PPFIA4: variants seen among roughly 807,000 people sequenced by gnomAD.
PPFIA4 encodes the protein PPFI scaffold protein A4.
Under a neutral mutation model 145.7 loss-of-function variants are expected in PPFIA4, and 98 were observed. The ratio of observed to expected loss-of-function variants is 0.67; its 90% confidence interval spans 0.57 to 0.80. The LOEUF is 0.80. Ranked by LOEUF, PPFIA4 falls within the 30% of genes least tolerant of loss-of-function variation. The pLI is 0.00. For missense variants in PPFIA4, 1,457 were observed against 1,632.7 expected (o/e 0.89, Z 1.85); for synonymous variants, 628 against 649.6 (o/e 0.97, Z 0.51).
intron 13 of PPFIA4, 177 bp from the exon 14 acceptor site, chr1:203,051,592 C>A (rs1244905922): frequency 1.7e-6 from 2 of 1,202,230 alleles, no homozygotes; most frequent in Non-Finnish European, 2.2e-6. Context: ...AGCACCAGGG[C>A]ATACGTCTGC....
intron 2 of PPFIA4, among the ~76,000 whole-genome samples, chr1:203,041,504 A>T (rs1215176030): frequency 2.6e-5 from 4 of 152,146 alleles, no homozygotes; most frequent in African/African-American, 9.7e-5. Flanking sequence ...AGGTGGGAGG[A>T]TCGCCTGAGC....
Position 203,059,828 on chromosome 1 carries a change from C to T in PPFIA4, c.2560C>T (p.Pro854Ser), listed in dbSNP as rs560309517. The T allele has an allele frequency of 2.5e-6, 4 of 1,612,724 alleles. No homozygotes were observed. The African/African-American group carries it at 5.3e-5, about 22-fold the overall frequency. ...AATGCCCTTTGCCCAGTGGGATGGT[C>T]CTACTGTGGTCTCCTGGTTGGAGGT... ...KGMPFAQWDG[P>S]TVVSWLELWV... Residue 854 changes from proline to serine, a missense_variant, in exon 21 of 30, where the codon CCT becomes TCT. Pro to Ser is a moderately conservative substitution (Grantham distance 74). Coordinates refer to ENST00000295706, the MANE Select transcript of PPFIA4 (RefSeq NM_001304331.2).
Position 203,046,419 on chromosome 1 carries a change from C to T in PPFIA4, c.1140+37C>T, listed in dbSNP as rs540138532. ...AGGGGCCTGGGATCTGCCTCTGTCC[C>T]CCATGTTCTGAGCTCTCAGGGAGCC... is the stretch of plus-strand genomic sequence containing the variant. On this transcript the variant is annotated intron_variant, in intron 9 of 29. Transcript: ENST00000295706. 39 of 1,553,564 alleles carry T rather than the reference C, an allele frequency of 2.5e-5. No homozygotes were observed. In the South Asian group the frequency reaches 3.6e-4, roughly 14 times the overall value.
intron 13 of PPFIA4, chr1:203,051,282 G>T: frequency 1.0e-6 from 1 of 986,538 alleles, no homozygotes; most frequent in Non-Finnish European, 1.2e-6. Flanking sequence ...ACTCAGTCCA[G>T]ATTATGGGGA....
Position 203,078,507 on chromosome 1 carries a change from T to A in PPFIA4, c.*2117T>A, listed in dbSNP as rs1662683487. The A allele has an allele frequency of 6.6e-6, 1 of 152,514 alleles. No individual in the cohort carries two copies. Among genetic ancestry groups the A allele is most frequent in the South Asian group, 2.1e-4 (1 of 4,816 alleles). The allele number at this position is 152,514 out of a possible 1,614,324, so 9.4% of individuals were successfully genotyped here. A position where few individuals can be genotyped will look rare whatever the true frequency, so the allele number is the denominator to read the frequency against. Reference sequence around the variant, plus strand: ...TAAGAAGAGAACTCTGTGCAAACAGTGATGGAAGGCTGTTGTCTTGGTGTA... The same window carrying A: ...TAAGAAGAGAACTCTGTGCAAACAGAGATGGAAGGCTGTTGTCTTGGTGTA... On this transcript the variant is annotated 3_prime_UTR_variant, in exon 30 of 30. Coordinates refer to ENST00000295706, the MANE Select transcript of PPFIA4 (RefSeq NM_001304331.2).
At chr1:203,065,095 A>G (rs1290036902) in intron 25 of PPFIA4, among the ~76,000 whole-genome samples, 1 of 152,214 alleles carries the variant, frequency 6.6e-6, no homozygotes, top group African/African-American at 2.4e-5. Context: ...GGATCTTGTT[A>G]GTGTCCCCAT....
At chr1:203,063,612 G>A (rs1450026112) in intron 24 of PPFIA4, 16 of 516,930 alleles carry the variant, frequency 3.1e-5, no homozygotes, top group East Asian at 2.8e-4. Flanking sequence ...GAGTGGAACC[G>A]TATCATTTCG....
rs371274726 is a variant in PPFIA4 at position 203,076,544 on chromosome 1, G to T, written c.*154G>T. The T allele has an allele frequency of 1.7e-5, 12 of 723,502 alleles. No individual in the cohort carries two copies. In the East Asian group the frequency reaches 3.2e-4, roughly 19 times the overall value. 44.8% of individuals were successfully genotyped at this position (723,502 alleles called of 1,614,324 possible). ...TCAGAATATATTCGTCCACCCCCTC[G>T]GCACCCCATTACCCCGAGTCCCACC... is the stretch of plus-strand genomic sequence containing the variant. On this transcript the variant is annotated 3_prime_UTR_variant, in exon 30 of 30. Transcript: ENST00000295706.
chr1:203,051,413 G>A, intron 13 of PPFIA4: 1 of 805,896 alleles, frequency 1.2e-6, no homozygotes, highest in Middle Eastern at 5.6e-4. Flanking sequence ...CGCCACGTGT[G>A]TCAGATGGCC....
At chr1:203,046,427 C>G in intron 9 of PPFIA4, 45 bp downstream of exon 9, 1 of 1,538,636 alleles carries the variant, frequency 6.5e-7, no homozygotes, top group Non-Finnish European at 8.8e-7. Flanking sequence ...CCCCCATGTT[C>G]TGAGCTCTCA....
rs1661829801 is a variant in PPFIA4, at chr1:203,067,706, A to G, written c.3062A>G (p.Gln1021Arg). 6.2e-7 allele frequency: 1 copy of G among 1,613,796 alleles called. No homozygotes were observed. The highest frequency in any genetic ancestry group is 1.3e-5 in the African/African-American group (1 of 74,918). ...CTGTGTGCCTGCAGAACCAGTCTTC[A>G]GTATGGCATCATGTGTCTGAAGAGG... is the stretch of plus-strand genomic sequence containing the variant. ...MVDSFHRTSL[Q>R]YGIMCLKRLN... The change falls in exon 26 of 30, where the codon CAG becomes CGG. Residue 1021 changes from glutamine (Q) to arginine (R), a missense_variant. Coordinates refer to ENST00000295706, the MANE Select transcript of PPFIA4 (RefSeq NM_001304331.2).
intron 25 of PPFIA4, 185 bp from the exon 26 acceptor site, chr1:203,067,510 A>G: frequency 1.7e-6 from 1 of 591,952 alleles, no homozygotes; most frequent in Non-Finnish European, 3.0e-6. Context: ...TAGACAGAGA[A>G]AGGGAGTAAC....
rs77851622 is a variant in PPFIA4 at position 203,053,724 on chromosome 1, C to T, written c.1621-29C>T. The T allele has an allele frequency of 1.4e-3, 2,118 of 1,540,890 alleles. 39 individuals carry two copies. In the East Asian group the frequency reaches 0.042, roughly 31 times the overall value. ...CTGCAGTTATCTGGGTGTCTTATTA[C>T]GACTCCTTTACCCTCCTCCTTTGCT... On this transcript the variant is annotated intron_variant, in intron 14 of 29. Coordinates refer to ENST00000295706, the MANE Select transcript of PPFIA4 (RefSeq NM_001304331.2).
intron 27 of PPFIA4, among the ~76,000 whole-genome samples, chr1:203,070,666 T>A (rs871297): frequency 6.6e-6 from 1 of 150,968 alleles, no homozygotes; most frequent in Non-Finnish European, 1.5e-5. Context: ...TTCTGAAAAC[T>A]CTGAATGAGT....
intron 1 of PPFIA4, chr1:203,034,643 G>A (rs764834770): frequency 4.4e-6 from 2 of 456,690 alleles, no homozygotes; most frequent in South Asian, 1.5e-5. Flanking sequence ...GGAGGATGGG[G>A]CCTTCCAGTG....
rs752290107 is a variant in PPFIA4 at position 203,048,332 on chromosome 1, C to A, written c.1224+22C>A. 6.2e-7 allele frequency: 1 copy of A among 1,607,102 alleles called. No homozygotes were observed. Among genetic ancestry groups the A allele is most frequent in the South Asian group, 1.1e-5 (1 of 89,972 alleles). ...ACGGGTGAGGGCACCAGGCCGGGCC[C>A]TCAGGCCCCCTCCTTCCCGCAGGAC... On this transcript the variant is annotated intron_variant, in intron 10 of 29. Transcript: ENST00000295706. This position sits in a 1 kb window ranked among gnomAD's most constrained non-coding sequence, Gnocchi z 5.8.
chr1:203,072,037 C>T (rs1300189994), intron 28 of PPFIA4, among the ~76,000 whole-genome samples: 5 of 152,154 alleles, frequency 3.3e-5, no homozygotes, highest in African/African-American at 9.7e-5. Flanking sequence ...CAATTCTGTG[C>T]CCCGCCTTCC....
chr1:203,027,787 C>G (rs1230630532), intron 1 of PPFIA4, among the ~76,000 whole-genome samples: 3 of 152,216 alleles, frequency 2.0e-5, no homozygotes. Flanking sequence ...ATAGGAGGCA[C>G]ACATAGCAGG....
chr1:203,039,252 G>T lies in PPFIA4; in HGVS notation c.234+10G>T. 1 of 1,554,322 alleles carries T rather than the reference G, an allele frequency of 6.4e-7. No homozygotes were observed. The highest frequency in any genetic ancestry group is 8.7e-7 in the Non-Finnish European group (1 of 1,151,216). ...CTCCGCCCTCCCCCAGGTAAGGCCC[G>T]AAGGCCTGCGTCTCTCTTAACCCCT... is the stretch of plus-strand genomic sequence containing the variant. On this transcript the variant is annotated intron_variant, in intron 2 of 29. Transcript: ENST00000295706.
Sources: allele counts gnomAD v4.1 joint callset (sites outside exome capture counted in the v4.1 genomes callset), GRCh38; gene constraint gnomAD v4.1.1; non-coding constraint Gnocchi (gnomAD v3.1); transcripts MANE v1.5; gene names NCBI Gene and HGNC (gene_info 2026-07-23, HGNC 2026-07-21).